ZFP41: variants seen among roughly 807,000 people sequenced by gnomAD.
ZFP41 encodes the protein zinc finger protein 41 homolog.
Under a neutral mutation model 11.6 loss-of-function variants are expected in ZFP41, and 10 were observed. The ratio of observed to expected loss-of-function variants is 0.86; its 90% CI spans 0.53 to 1.47. The LOEUF (loss-of-function observed/expected upper bound fraction) is 1.47, where lower values mean the gene tolerates loss of function less well. Ranked by LOEUF, ZFP41 falls within the 40% of genes most tolerant of loss-of-function variation. The pLI is 0.00. For synonymous variants in ZFP41, 123 were observed against 100.9 expected (o/e 1.22, Z -1.31); for missense variants, 302 against 264.6 (o/e 1.14, Z -0.98).
Position 143,262,118 on chromosome 8 carries a change from C to G in ZFP41, c.*3244C>G, listed in dbSNP as rs1212927239. On this transcript the variant is annotated 3_prime_UTR_variant, in exon 3 of 3. Transcript: ENST00000330701. ...CCCTCTCCGGCAGCCCCTGCCCACA[C>G]CCGCACCCCTGCACCTCCCACGCCC... The G allele has an allele frequency of 5.4e-6, 1 of 184,454 alleles. No homozygotes were observed. The highest frequency in any genetic ancestry group is 1.1e-5 in the Non-Finnish European group (1 of 88,980). The allele number at this position is 184,454 out of a possible 1,614,324, so 11.4% of individuals were successfully genotyped here. A position where few individuals can be genotyped will look rare whatever the true frequency, so the allele number is the denominator to read the frequency against.
chr8:143,251,729 G>A (rs1351535883), intron 2 of ZFP41, among the ~76,000 whole-genome samples: 1 of 152,178 alleles, frequency 6.6e-6, no homozygotes, highest in Non-Finnish European at 1.5e-5. Flanking sequence ...CGTTTACTGG[G>A]TTAACACATT....
In ZFP41 at chr8:143,261,661, A is replaced by G. The variant is rs1414161215; in HGVS notation, c.*2787A>G. On this transcript the variant is annotated 3_prime_UTR_variant, in exon 3 of 3. Coordinates refer to ENST00000330701, the MANE Select transcript of ZFP41 (RefSeq NM_173832.6). ...CGACTTCACAGCCGAGACCGGGCCT[A>G]ACGCTGCTGTCTCGCAGTCACCCCT... The G allele has an allele frequency of 6.3e-6, 1 of 157,938 alleles. No individual in the cohort carries two copies. Among genetic ancestry groups the G allele is most frequent in the Admixed American group, 6.5e-5 (1 of 15,318 alleles). 9.8% of individuals were successfully genotyped at this position (157,938 alleles called of 1,614,324 possible).
rs1281653642 is a variant in ZFP41, at chr8:143,262,304, ACT to A, written c.*3432_*3433del. On this transcript the variant is annotated 3_prime_UTR_variant, in exon 3 of 3. Transcript: ENST00000330701. ...GGCTGGATGCCTGGCATGTCTGAAC[ACT>A]CACATTCCCCAGGCATGCATGTGCA... is the stretch of plus-strand genomic sequence containing the variant. 6.5e-6 allele frequency: 1 copy of A among 154,460 alleles called. No individual in the cohort carries two copies. The highest frequency in any genetic ancestry group is 1.4e-5 in the Non-Finnish European group (1 of 69,706). 9.6% of individuals were successfully genotyped at this position (154,460 alleles called of 1,614,324 possible).
rs560361457 is a variant in ZFP41 at position 143,250,573 on chromosome 8, G to A, written c.*133G>A. On this transcript the variant is annotated 3_prime_UTR_variant, in exon 2 of 3. Transcript: ENST00000330701. ...TGTGTTCCGTGCCCTGGGGACCCCC[G>A]GAAAAGCAGCCCAGTCAGATGTGGG... The A allele has an allele frequency of 1.5e-4, 207 of 1,425,710 alleles. 1 individual carries two copies. The South Asian group carries it at 2.5e-3, about 17-fold the overall frequency. 88.3% of individuals were successfully genotyped at this position (1,425,710 alleles called of 1,614,324 possible).
intron 2 of ZFP41, among the ~76,000 whole-genome samples, chr8:143,259,272 G>A (rs868125515): frequency 2.6e-5 from 4 of 152,144 alleles, no homozygotes; most frequent in Non-Finnish European, 5.9e-5. Flanking sequence ...CGCAAAGTTC[G>A]AAACCAAGCA....
chr8:143,254,847 G>A (rs1172622019), intron 2 of ZFP41, among the ~76,000 whole-genome samples: 1 of 152,108 alleles, frequency 6.6e-6, no homozygotes, highest in Non-Finnish European at 1.5e-5. Flanking sequence ...TGGCCAGGAA[G>A]GAAGCATTAC....
chr8:143,259,164 C>G (rs1055993586), intron 2 of ZFP41, among the ~76,000 whole-genome samples: 2 of 152,352 alleles, frequency 1.3e-5, no homozygotes, highest in Middle Eastern at 3.4e-3. Flanking sequence ...GCACAGTGGC[C>G]ACGCAGCTAG....
chr8:143,254,630 CTTTTTTT>C (rs56112135), intron 2 of ZFP41, among the ~76,000 whole-genome samples: 2 of 115,006 alleles, frequency 1.7e-5, no homozygotes, highest in East Asian at 5.0e-4. Context: ...GGGAGCGTTA[CTTTTTTT>C]TTTTTTTTTT....
At position 143,250,003 on chromosome 8, in the gene ZFP41, C is replaced by T. The variant is rs764970588; in HGVS notation, c.160C>T (p.Pro54Ser). The T allele has an allele frequency of 1.9e-6, 3 of 1,614,030 alleles. No homozygotes were observed. The highest frequency in any genetic ancestry group is 1.7e-5 in the Admixed American group (1 of 60,006). ...RKPRTEPCLS[P>S]EDEEHVFDAF... is the part of the protein sequence containing the mutation. ...GCCCCGCACAGAGCCCTGCCTGAGT[C>T]CTGAAGACGAAGAGCACGTCTTTGA... Residue 54 changes from proline to serine, a missense_variant, in exon 2 of 3, where the codon CCT becomes TCT. Transcript: ENST00000330701.
Position 143,250,204 on chromosome 8 carries a change from G to C in ZFP41, c.361G>C (p.Gly121Arg). The change falls in exon 2 of 3, where the codon GGG (glycine) becomes CGG (arginine). Residue 121 changes from glycine (G) to arginine (R), a missense_variant. Gly to Arg is a moderately radical substitution (Grantham distance 125). Transcript: ENST00000330701. ...GAAGCCCTTCAAGTGTGCGCAGTGC[G>C]GGAAGGCCTTCCGGCACAGCTCTGA... ...GEKPFKCAQCGKAFRHSSDVT... is the reference protein window; with the variant it reads ...GEKPFKCAQCRKAFRHSSDVT... 1 of 1,614,038 alleles carries C rather than the reference G, an allele frequency of 6.2e-7. No individual in the cohort carries two copies. The highest frequency in any genetic ancestry group is 2.2e-5 in the East Asian group (1 of 44,868).
chr8:143,257,840 A>G (rs1333610323), intron 2 of ZFP41, among the ~76,000 whole-genome samples: 1 of 152,250 alleles, frequency 6.6e-6, no homozygotes, highest in East Asian at 1.9e-4. Flanking sequence ...GATTGTGTGG[A>G]TGATTCTCAG....
At position 143,250,436 on chromosome 8, in the gene ZFP41, C is replaced by A; in HGVS notation, c.593C>A (p.Pro198His). The change falls in exon 2 of 3, where the codon CCC becomes CAC. Residue 198 changes from proline to histidine, a missense_variant. Transcript: ENST00000330701. ...RHQKRHPRKK[P>H] is the part of the protein sequence containing the mutation. ...CAGAAACGCCACCCTCGGAAGAAGC[C>A]CTGAGCCGGGGCCATCTGCGGACTC... The A allele has an allele frequency of 6.2e-7, 1 of 1,608,824 alleles. No homozygotes were observed. Among genetic ancestry groups the A allele is most frequent in the Non-Finnish European group, 8.5e-7 (1 of 1,176,876 alleles).
In ZFP41 at chr8:143,250,549, G is replaced by C; in HGVS notation, c.*109G>C. On this transcript the variant is annotated 3_prime_UTR_variant, in exon 2 of 3. Coordinates refer to ENST00000330701, the MANE Select transcript of ZFP41 (RefSeq NM_173832.6). Reference sequence around the variant, plus strand: ...ATGGGGGCGCAGGGCCGTGCGCACTGTGTTCCGTGCCCTGGGGACCCCCGG... The same window carrying C: ...ATGGGGGCGCAGGGCCGTGCGCACTCTGTTCCGTGCCCTGGGGACCCCCGG... The C allele has an allele frequency of 1.3e-6, 2 of 1,508,982 alleles. No homozygotes were observed. The highest frequency in any genetic ancestry group is 1.8e-6 in the Non-Finnish European group (2 of 1,128,734). The allele number at this position is 1,508,982 out of a possible 1,614,324, so 93.5% of individuals were successfully genotyped here.
At chr8:143,247,589 C>G (rs2130702039) in intron 1 of ZFP41, 1 of 152,396 alleles carries the variant, frequency 6.6e-6, no homozygotes, top group Admixed American at 6.5e-5. Flanking sequence ...CCACGGATAC[C>G]CAGAGCTTCA....
intron 2 of ZFP41, among the ~76,000 whole-genome samples, chr8:143,252,468 G>A (rs1217960723): frequency 3.3e-5 from 5 of 152,194 alleles, no homozygotes; most frequent in Non-Finnish European, 7.3e-5. Flanking sequence ...CGTGTTGCCT[G>A]GGGGGGTTCT....
At chr8:143,253,677 C>T (rs1310214166) in intron 2 of ZFP41, 1 of 152,260 alleles carries the variant, frequency 6.6e-6, no homozygotes, top group Non-Finnish European at 1.5e-5. Flanking sequence ...TCTGTCCCCT[C>T]CAGATCTTAT....
Position 143,249,963 on chromosome 8 carries a change from C to T in ZFP41, c.120C>T (p.Pro40=), listed in dbSNP as rs1179254717. ...GGGACAGAAAGCCACCTGAGAGGCC[C>T]ACTGTGCCCAGGAAGCCCCGCACAG... ...VSGDRKPPER[P]TVPRKPRTEP... is the part of the protein sequence containing the mutation. The change falls in exon 2 of 3, where the codon CCC becomes CCT. Residue 40 remains proline (P), a synonymous_variant. Coordinates refer to ENST00000330701, the MANE Select transcript of ZFP41 (RefSeq NM_173832.6). 5.0e-6 allele frequency: 8 copies of T among 1,614,078 alleles called. No individual in the cohort carries two copies. The East Asian group carries it at 8.9e-5, about 18-fold the overall frequency.
intron 1 of ZFP41, chr8:143,249,001 TGTTGA>T (rs920266853): frequency 2.6e-5 from 4 of 152,182 alleles, no homozygotes; most frequent in Non-Finnish European, 5.9e-5. Flanking sequence ...AGTATTTATG[TGTTGA>T]GTTGTGTCAC....
intron 1 of ZFP41, chr8:143,249,126 AAT>A (rs1289248906): frequency 2.0e-5 from 3 of 152,294 alleles, no homozygotes; most frequent in Non-Finnish European, 2.9e-5. Context: ...TATTTCTTAG[AAT>A]ATGACTGGGC....
Sources: allele counts gnomAD v4.1 joint callset (sites outside exome capture counted in the v4.1 genomes callset), GRCh38; gene constraint gnomAD v4.1.1; transcripts MANE v1.5; gene names NCBI Gene and HGNC (gene_info 2026-07-23, HGNC 2026-07-21).